Variants in DOCK8 observed in about 807,000 individuals in gnomAD.
DOCK8 encodes dedicator of cytokinesis protein 8.
A neutral mutation model predicts 245.6 loss-of-function variants in DOCK8; 141 were observed. That is an observed-to-expected ratio of 0.57 (90% CI 0.50 to 0.66). DOCK8 has a LOEUF of 0.66. DOCK8 is among the 30% of genes least tolerant of loss of function. The pLI is 0.00. For synonymous variants in DOCK8, 1,168 were observed against 970.2 expected (o/e 1.20, Z -3.79); for missense variants, 2,965 against 2,603.4 (o/e 1.14, Z -3.02).
chr9:249,616 T>C (rs568120310), intron 1 of DOCK8, among the ~76,000 whole-genome samples: 78 of 152,102 alleles, frequency 5.1e-4, no homozygotes, highest in Non-Finnish European at 9.1e-4. Flanking sequence ...TTTAATTTTT[T>C]TAATTTTTTA....
intron 1 of DOCK8, among the ~76,000 whole-genome samples, chr9:232,222 A>G (rs1250295761): frequency 6.6e-6 from 1 of 152,240 alleles, no homozygotes; most frequent in Admixed American, 6.5e-5. Flanking sequence ...ATGTTGAACC[A>G]GCCTTGCATC....
chr9:402,121 A>G (rs564601075), intron 26 of DOCK8, among the ~76,000 whole-genome samples: 8 of 152,366 alleles, frequency 5.3e-5, no homozygotes, highest in South Asian at 2.1e-4. Flanking sequence ...CATGCAGGCT[A>G]TCTTCATTCC....
intron 14 of DOCK8, 90 bp from the exon 15 acceptor site, chr9:367,928 C>G (rs1314592117): frequency 9.3e-7 from 1 of 1,077,204 alleles, no homozygotes; most frequent in Non-Finnish European, 1.4e-6. Context: ...AAAAAGCACC[C>G]CATGAATGGA....
intron 2 of DOCK8, among the ~76,000 whole-genome samples, chr9:278,194 A>G (rs1407517815): frequency 6.6e-6 from 1 of 152,256 alleles, no homozygotes; most frequent in African/African-American, 2.4e-5. Context: ...GAATCAACTC[A>G]GCCTTGGTGA....
At chr9:215,202 C>A in intron 1 of DOCK8, 173 bp downstream of exon 1, 1 of 1,521,302 alleles carries the variant, frequency 6.6e-7, no homozygotes, top group Non-Finnish European at 8.8e-7. Context: ...CCGCTGGACG[C>A]GCGGCGGCTC....
intron 39 of DOCK8, among the ~76,000 whole-genome samples, chr9:436,663 T>C (rs2056914358): frequency 6.6e-6 from 1 of 152,240 alleles, no homozygotes; most frequent in African/African-American, 2.4e-5. Flanking sequence ...CATGCCAAAG[T>C]GAATCATTAT....
intron 26 of DOCK8, among the ~76,000 whole-genome samples, chr9:400,021 A>T (rs61188883): frequency 0.079 from 8,670 of 109,896 alleles, 465 homozygotes; most frequent in African/African-American, 0.1. Context: ...CATCACCACC[A>T]CCTCCACCAT....
Position 439,242 on chromosome 9 carries a change from C to G in DOCK8, c.5080-3C>G. 6.2e-7 allele frequency: 1 copy of G among 1,614,180 alleles called. No homozygotes were observed. The highest frequency in any genetic ancestry group is 8.5e-7 in the Non-Finnish European group (1 of 1,180,036). On this transcript the variant is annotated splice_region_variant and splice_polypyrimidine_tract_variant and intron_variant, in intron 39 of 47. Transcript: ENST00000432829. ...TCCAGGCTTATACTGTGGTCTCTTT[C>G]AGAATATTTCTTCCAATGTGCTGGA...
chr9:214,959 C>T lies in DOCK8; in HGVS notation c.-18C>T. ...CCGCACCCCGCGACCCTAGAAGCCA[C>T]CGAACCGCCGGCGGGCCATGGCCAC... On this transcript the variant is annotated 5_prime_UTR_variant, in exon 1 of 48. Coordinates refer to ENST00000432829, the MANE Select transcript of DOCK8 (RefSeq NM_203447.4). The T allele has an allele frequency of 1.2e-6, 2 of 1,602,444 alleles. No individual in the cohort carries two copies. The highest frequency in any genetic ancestry group is 1.7e-4 in the Middle Eastern group (1 of 6,014).
intron 5 of DOCK8, among the ~76,000 whole-genome samples, chr9:308,556 A>G (rs1299170063): frequency 3.3e-5 from 5 of 152,240 alleles, no homozygotes; most frequent in Admixed American, 3.3e-4. Context: ...TCCTTGGTAC[A>G]CGTAGATTTT....
chr9:388,660 T>G (rs2054058548), intron 23 of DOCK8, among the ~76,000 whole-genome samples: 1 of 152,044 alleles, frequency 6.6e-6, no homozygotes, highest in Admixed American at 6.6e-5. Flanking sequence ...GTTTAAGTGA[T>G]TCTCCTGCCT....
chr9:226,429 G>T (rs1264556684), intron 1 of DOCK8, among the ~76,000 whole-genome samples: 2 of 152,132 alleles, frequency 1.3e-5, no homozygotes, highest in South Asian at 2.1e-4. Context: ...GGCATGATGC[G>T]ATTGACTTTT....
chr9:386,521 C>A, intron 23 of DOCK8, 95 bp downstream of exon 23: 2 of 985,274 alleles, frequency 2.0e-6, no homozygotes, highest in Non-Finnish European at 3.1e-6. Flanking sequence ...CAAAGTGCTC[C>A]CCTGCCTGTC....
intron 31 of DOCK8, 85 bp from the exon 32 acceptor site, chr9:420,864 A>C: frequency 6.4e-7 from 1 of 1,568,238 alleles, no homozygotes; most frequent in South Asian, 1.1e-5. Context: ...AGCTGGCATC[A>C]CTGTGGAGTG....
At chr9:273,857 C>G (rs915059896) in intron 2 of DOCK8, among the ~76,000 whole-genome samples, 1 of 152,002 alleles carries the variant, frequency 6.6e-6, no homozygotes, top group African/African-American at 2.4e-5. Flanking sequence ...CAGGCATGCA[C>G]CATCACATCT....
Position 327,881 on chromosome 9 carries a change from C to T in DOCK8, c.895-141C>T, listed in dbSNP as rs112164121. ...ACATTTGTCAGATTTATCCAGGAGC[C>T]ACTTTCCTAAACCACATCTGTGATT... On this transcript the variant is annotated intron_variant, in intron 8 of 47. Transcript: ENST00000432829. 327 of 766,756 alleles carry T rather than the reference C, an allele frequency of 4.3e-4. 2 individuals carry two copies. The African/African-American group carries it at 5.0e-3, about 12-fold the overall frequency. The allele number at this position is 766,756 out of a possible 1,614,324, so 47.5% of individuals were successfully genotyped here.
chr9:389,034 C>T (rs2054074565), intron 23 of DOCK8, among the ~76,000 whole-genome samples: 1 of 152,106 alleles, frequency 6.6e-6, no homozygotes, highest in African/African-American at 2.4e-5. Flanking sequence ...TACGTTTATT[C>T]CAGGTTTTGT....
intron 1 of DOCK8, 154 bp downstream of exon 1, chr9:215,183 G>A: frequency 2.6e-6 from 4 of 1,512,622 alleles, no homozygotes; most frequent in Non-Finnish European, 3.5e-6. Flanking sequence ...CGAGGCTGCG[G>A]CGGTGGAGCC....
At chr9:224,106 G>GAC (rs2046940420) in intron 1 of DOCK8, among the ~76,000 whole-genome samples, 1 of 152,236 alleles carries the variant, frequency 6.6e-6, no homozygotes, top group African/African-American at 2.4e-5. Context: ...AGTTCAGAAA[G>GAC]ACAGCTTTAT....
Sources: gnomAD v4.1 joint callset for allele counts (sites outside exome capture counted in the v4.1 genomes callset) on GRCh38, gnomAD v4.1.1 for gene constraint, MANE v1.5 for transcripts, NCBI Gene and HGNC (gene_info 2026-07-23, HGNC 2026-07-21) for gene names.